Variants in DSTYK observed in about 807,000 individuals in gnomAD.
DSTYK encodes dual serine/threonine and tyrosine protein kinase.
DSTYK carries 34 observed loss-of-function variants against 98.7 expected under a neutral mutation model. The ratio of observed to expected loss-of-function variants is 0.34; its 90% CI spans 0.26 to 0.46. The LOEUF is 0.46. Ranked by LOEUF, DSTYK falls within the 20% of genes least tolerant of loss-of-function variation. DSTYK has a pLI of 1.00. For missense variants in DSTYK, 962 were observed against 1,181.7 expected, an observed-to-expected ratio of 0.81 and a Z score of 2.73; for synonymous variants, 462 against 457.3, an observed-to-expected ratio of 1.01 and a Z score of -0.13.
rs1659381328 is a variant in DSTYK at position 205,211,466 on chromosome 1, T to C, written c.70A>G (p.Ile24Val). 6.3e-7 allele frequency: 1 copy of C among 1,591,548 alleles called. No individual in the cohort carries two copies. Among genetic ancestry groups the C allele is most frequent in the Non-Finnish European group, 8.5e-7 (1 of 1,172,716 alleles). Residue 24 changes from isoleucine (I) to valine (V), a missense_variant, in exon 1 of 13, where the codon ATC becomes GTC. By Grantham distance (29) the Ile-to-Val change is conservative. Transcript: ENST00000367162. ...CCGAAGCCCCGGCACAGCTCGCGGA[T>C]CATTCCGCCGCCGCCGGGGCCGGGA... ...SGPGPGGGGM[I>V]RELCRGFGRY...
At chr1:205,160,338 C>CTTTTT in intron 7 of DSTYK, 68 bp from the exon 8 acceptor site, 2 of 1,142,762 alleles carry the variant, frequency 1.8e-6, no homozygotes, top group Admixed American at 2.5e-5. Flanking sequence ...CTGTAAGATT[C>CTTTTT]TTTTTTTTTT....
At position 205,145,988 on chromosome 1, in the gene DSTYK, C is replaced by T. The variant is rs1309450300; in HGVS notation, c.*1570G>A. ...CTTCATGAGGAACCCTCCAAAAGAC[C>T]ACCCACCCGCCTCCCACCTTTCAGG... On this transcript the variant is annotated 3_prime_UTR_variant, in exon 13 of 13. Transcript: ENST00000367162. 6.6e-6 allele frequency: 1 copy of T among 152,086 alleles called. No individual in the cohort carries two copies. The highest frequency in any genetic ancestry group is 1.5e-5 in the Non-Finnish European group (1 of 68,036). The allele number at this position is 152,086 out of a possible 1,614,324, so 9.4% of individuals were successfully genotyped here.
intron 1 of DSTYK, among the ~76,000 whole-genome samples, chr1:205,198,200 A>AAAG (rs1558624865): frequency 9.4e-5 from 14 of 149,128 alleles, no homozygotes; most frequent in Non-Finnish European, 1.3e-4. Context: ...TCTCAAAAAA[A>AAAG]AAAGAAAGAA....
intron 9 of DSTYK, among the ~76,000 whole-genome samples, chr1:205,157,799 T>C (rs1420411639): frequency 6.7e-6 from 1 of 149,426 alleles, no homozygotes; most frequent in Non-Finnish European, 1.5e-5. Flanking sequence ...AAAAAGCAGT[T>C]AGGAGAGGGA....
chr1:205,184,080 C>A (rs10900461), intron 2 of DSTYK, among the ~76,000 whole-genome samples: 2 of 151,768 alleles, frequency 1.3e-5, no homozygotes, highest in Admixed American at 6.6e-5. Context: ...TAACTCAACA[C>A]CCCATCCAAG....
At chr1:205,164,465 C>CTTTT (rs11438607) in intron 3 of DSTYK, among the ~76,000 whole-genome samples, 1 of 143,288 alleles carries the variant, frequency 7.0e-6, no homozygotes, top group South Asian at 2.2e-4. Context: ...ATTTTGTTAG[C>CTTTT]TTTTTTTTTT....
intron 2 of DSTYK, among the ~76,000 whole-genome samples, chr1:205,185,492 G>T (rs995802153): frequency 6.6e-6 from 1 of 152,044 alleles, no homozygotes. Context: ...GGACTACAAG[G>T]GTGTGCCACT....
At chr1:205,179,362 T>G (rs1376575480) in intron 2 of DSTYK, among the ~76,000 whole-genome samples, 2 of 152,130 alleles carry the variant, frequency 1.3e-5, no homozygotes, top group Admixed American at 1.3e-4. Flanking sequence ...GGCTCATGCC[T>G]GTACTCCCAG....
At chr1:205,171,429 C>T (rs1386984791) in intron 2 of DSTYK, among the ~76,000 whole-genome samples, 3 of 139,036 alleles carry the variant, frequency 2.2e-5, no homozygotes, top group African/African-American at 5.4e-5. Flanking sequence ...CCAGCTTGGG[C>T]GACAAAGCAA....
chr1:205,160,243 C>T lies in DSTYK; in HGVS notation c.1976G>A (p.Gly659Asp). 6.2e-7 allele frequency: 1 copy of T among 1,614,106 alleles called. No individual in the cohort carries two copies. The highest frequency in any genetic ancestry group is 1.1e-5 in the South Asian group (1 of 91,080). Residue 659 changes from glycine to aspartate, a missense_variant, in exon 8 of 13, where the codon GGC (glycine) becomes GAC (aspartate). Transcript: ENST00000367162. ...GTATACCACACCATACTGGCCCCGG[C>T]CCAGTTCCTGTCCCAGTTTAGGTTT... The part of the protein sequence containing the change: ...HRKPKLGQEL[G>D]RGQYGVVYLC...
chr1:205,162,708 C>G (rs905151244), intron 5 of DSTYK, among the ~76,000 whole-genome samples: 3 of 152,096 alleles, frequency 2.0e-5, no homozygotes, highest in Non-Finnish European at 2.9e-5. Context: ...ACATAAAAAT[C>G]ATTTAAACCC....
intron 3 of DSTYK, among the ~76,000 whole-genome samples, chr1:205,165,147 G>A (rs1657850275): frequency 6.6e-6 from 1 of 152,176 alleles, no homozygotes; most frequent in Non-Finnish European, 1.5e-5. Flanking sequence ...AGGCTGGAGT[G>A]CAGTGGCACG....
intron 1 of DSTYK, among the ~76,000 whole-genome samples, chr1:205,201,801 G>A (rs986580440): frequency 2.6e-5 from 4 of 152,076 alleles, no homozygotes; most frequent in Admixed American, 2.0e-4. Flanking sequence ...GGTTCACACC[G>A]GTAATGCCAG....
intron 1 of DSTYK, among the ~76,000 whole-genome samples, chr1:205,206,993 T>C (rs1659221575): frequency 6.6e-6 from 1 of 152,116 alleles, no homozygotes; most frequent in African/African-American, 2.4e-5. Flanking sequence ...CCAAGATCAT[T>C]TGGTTAGTAA....
chr1:205,184,163 G>T (rs978087750), intron 2 of DSTYK, among the ~76,000 whole-genome samples: 3 of 151,982 alleles, frequency 2.0e-5, no homozygotes, highest in African/African-American at 7.3e-5. Context: ...GCTCTCAGTG[G>T]GAAGACACAT....
At position 205,142,576 on chromosome 1, in the gene DSTYK, T is replaced by C. The variant is rs1657103781; in HGVS notation, c.*4982A>G. 6.6e-6 allele frequency: 1 copy of C among 152,228 alleles called. No homozygotes were observed. Among genetic ancestry groups the C allele is most frequent in the Admixed American group, 6.5e-5 (1 of 15,268 alleles). The allele number at this position is 152,228 out of a possible 1,614,324, so 9.4% of individuals were successfully genotyped here. ...ATCCCAACAAGTATACAGAATACTC[T>C]ATAAAACCAAACCCAACCCTTCAAT... On this transcript the variant is annotated 3_prime_UTR_variant, in exon 13 of 13. Transcript: ENST00000367162.
intron 1 of DSTYK, 106 bp downstream of exon 1, chr1:205,211,165 T>C: frequency 6.9e-7 from 1 of 1,450,876 alleles, no homozygotes; most frequent in South Asian, 1.4e-5. Flanking sequence ...CGACTGCCCC[T>C]TTCCGCCTGC....
chr1:205,163,961 G>T lies in DSTYK; in HGVS notation c.1325-6C>A. The T allele has an allele frequency of 6.2e-7, 1 of 1,612,782 alleles. No homozygotes were observed. Among genetic ancestry groups the T allele is most frequent in the Non-Finnish European group, 8.5e-7 (1 of 1,178,826 alleles). ...ATTCTCAGGGACAATGACGTCTATG[G>T]AGGCAGAGAAATAAGCTGAATAGTT... On this transcript the variant is annotated splice_region_variant and splice_polypyrimidine_tract_variant and intron_variant, in intron 3 of 12. Transcript: ENST00000367162.
chr1:205,166,507 G>A (rs1189516658), intron 3 of DSTYK, among the ~76,000 whole-genome samples: 1 of 151,690 alleles, frequency 6.6e-6, no homozygotes, highest in Non-Finnish European at 1.5e-5. Context: ...TAGAATATGT[G>A]CTAGCTTGCT....
Sources: gnomAD v4.1 joint callset for allele counts (sites outside exome capture counted in the v4.1 genomes callset) on GRCh38, gnomAD v4.1.1 for gene constraint, MANE v1.5 for transcripts, NCBI Gene and HGNC (gene_info 2026-07-23, HGNC 2026-07-21) for gene names.